Variants in ARHGAP24 observed in about 807,000 individuals in gnomAD.
ARHGAP24 encodes rho GTPase-activating protein 24.
In ARHGAP24, 50 loss-of-function variants were observed where a neutral mutation model predicts 76.4. That is an observed-to-expected ratio of 0.65 (90% CI 0.52 to 0.83). The LOEUF is 0.83. Among genes scored for constraint, ARHGAP24 ranks in the 40% least tolerant of loss-of-function variants. The pLI is 0.00. For synonymous variants in ARHGAP24, 345 were observed against 323.3 expected (o/e 1.07, Z -0.72); for missense variants, 930 against 914.2 (o/e 1.02, Z -0.22).
chr4:85,729,432 A>T (rs1266683765), intron 3 of ARHGAP24, among the ~76,000 whole-genome samples: 1 of 152,210 alleles, frequency 6.6e-6, no homozygotes, highest in Non-Finnish European at 1.5e-5. Flanking sequence ...AGAACGTTTT[A>T]AAAATGTTTT....
chr4:85,831,738 C>T (rs1272185560), intron 3 of ARHGAP24, among the ~76,000 whole-genome samples: 7 of 151,932 alleles, frequency 4.6e-5, no homozygotes, highest in Admixed American at 2.0e-4. Context: ...TCAGTCTCTA[C>T]TAAAAATACA....
chr4:85,983,728 C>G (rs892174097), intron 8 of ARHGAP24, among the ~76,000 whole-genome samples: 5 of 152,054 alleles, frequency 3.3e-5, no homozygotes, highest in African/African-American at 1.2e-4. Flanking sequence ...AAATCCATTC[C>G]ATGCAGTGTC....
chr4:85,977,267 C>T (rs147746235), intron 7 of ARHGAP24, among the ~76,000 whole-genome samples: 2,149 of 152,248 alleles, frequency 0.014, 26 homozygotes, highest in Non-Finnish European at 0.021. Context: ...AGGGAATCCA[C>T]ATTGTTGACT....
chr4:85,514,382 C>T (rs756729693), intron 1 of ARHGAP24, among the ~76,000 whole-genome samples: 7 of 151,964 alleles, frequency 4.6e-5, no homozygotes, highest in African/African-American at 7.2e-5. Flanking sequence ...AATCTACTTT[C>T]ACTTTCCTGT....
intron 3 of ARHGAP24, among the ~76,000 whole-genome samples, chr4:85,798,969 A>G (rs1278273890): frequency 6.6e-6 from 1 of 152,208 alleles, no homozygotes; most frequent in African/African-American, 2.4e-5. Context: ...ACAAAAATGC[A>G]TGCAAATAAA....
chr4:85,921,777 G>A (rs189300421), intron 3 of ARHGAP24, among the ~76,000 whole-genome samples: 1 of 152,222 alleles, frequency 6.6e-6, no homozygotes, highest in African/African-American at 2.4e-5. Flanking sequence ...TCAGATCAGT[G>A]GCAGCATTAG....
In ARHGAP24 at chr4:85,509,438, G is replaced by A. The variant is rs572545325; in HGVS notation, c.-21+33879G>A. The stretch of plus-strand genomic sequence containing the variant: ...AAAATTCTAAAATATAAGGAAAAGC[G>A]ATGGCTAGATTATAAAAAAAAGTTA... On this transcript the variant is annotated intron_variant, in intron 1 of 9. Coordinates refer to ENST00000395184, the MANE Select transcript of ARHGAP24 (RefSeq NM_001025616.3). Among the ~76,000 whole-genome samples the A allele has an allele frequency of 6.0e-4, 91 of 152,020 alleles. 1 individual carries two copies. The highest frequency in any genetic ancestry group is 1.1e-3 in the Non-Finnish European group (77 of 67,954).
At chr4:85,566,051 C>G (rs111630444) in intron 1 of ARHGAP24, among the ~76,000 whole-genome samples, 2,212 of 152,286 alleles carry the variant, frequency 0.015, 61 homozygotes, top group African/African-American at 0.05. Context: ...AACTGTCTAG[C>G]TATGGCGTGG....
rs545247470 is a variant in ARHGAP24 at position 85,796,800 on chromosome 4, ACTCACTAGAC to A, written c.268+74834_268+74843del. On this transcript the variant is annotated intron_variant, in intron 3 of 9. Coordinates refer to ENST00000395184, the MANE Select transcript of ARHGAP24 (RefSeq NM_001025616.3). ...GCTCTCTGGAGACGCTATGGCCTTG[ACTCACTAGAC>A]CTCACGGTGGTGCTGTGCCCATAGA... Among the ~76,000 whole-genome samples, 217 of 152,106 alleles carry A rather than the reference ACTCACTAGAC, an allele frequency of 1.4e-3. 1 individual carries two copies. Among genetic ancestry groups the A allele is most frequent in the Middle Eastern group, 6.8e-3 (2 of 294 alleles).
intron 3 of ARHGAP24, among the ~76,000 whole-genome samples, chr4:85,911,243 G>A (rs1425837639): frequency 2.0e-5 from 3 of 152,188 alleles, no homozygotes; most frequent in African/African-American, 7.2e-5. Context: ...ACTCGAATGG[G>A]GTGGGGCTCC....
At chr4:85,631,128 A>T (rs938154017) in intron 2 of ARHGAP24, among the ~76,000 whole-genome samples, 16 of 152,154 alleles carry the variant, frequency 1.1e-4, no homozygotes, top group Non-Finnish European at 2.4e-4. Flanking sequence ...TCTGCATCAT[A>T]CTTTGGAAGG....
intron 3 of ARHGAP24, among the ~76,000 whole-genome samples, chr4:85,864,043 A>G (rs900442660): frequency 6.6e-6 from 1 of 152,058 alleles, no homozygotes; most frequent in African/African-American, 2.4e-5. Context: ...TAATCTTCTT[A>G]TGCAAATGGA....
chr4:85,656,630 G>A (rs1722183698), intron 2 of ARHGAP24, among the ~76,000 whole-genome samples: 1 of 152,034 alleles, frequency 6.6e-6, no homozygotes, highest in Non-Finnish European at 1.5e-5. Flanking sequence ...ACCATGACCA[G>A]CTAATTTTTG....
At chr4:85,635,260 T>C (rs1721280000) in intron 2 of ARHGAP24, among the ~76,000 whole-genome samples, 1 of 149,830 alleles carries the variant, frequency 6.7e-6, no homozygotes. Flanking sequence ...GATGTGTACC[T>C]GCCATAGTTA....
chr4:85,757,669 A>T (rs959304430), intron 3 of ARHGAP24, among the ~76,000 whole-genome samples: 3 of 152,188 alleles, frequency 2.0e-5, no homozygotes, highest in African/African-American at 7.2e-5. Flanking sequence ...TAGTGCCGCA[A>T]TAAACATACG....
intron 2 of ARHGAP24, among the ~76,000 whole-genome samples, chr4:85,601,573 A>G (rs1720030028): frequency 6.6e-6 from 1 of 152,118 alleles, no homozygotes; most frequent in African/African-American, 2.4e-5. Flanking sequence ...ACAACCAAAA[A>G]TCTCTCCAGA....
intron 1 of ARHGAP24, among the ~76,000 whole-genome samples, chr4:85,527,979 A>C (rs1183655410): frequency 1.3e-5 from 2 of 152,100 alleles, no homozygotes; most frequent in East Asian, 3.9e-4. Context: ...TCTGGAATGA[A>C]TTTCTCAAAC....
intron 2 of ARHGAP24, among the ~76,000 whole-genome samples, chr4:85,595,778 T>C (rs977583263): frequency 3.9e-5 from 6 of 152,070 alleles, no homozygotes; most frequent in African/African-American, 1.4e-4. Context: ...ATGAATTATA[T>C]AAACTATATT....
intron 3 of ARHGAP24, among the ~76,000 whole-genome samples, chr4:85,726,085 C>A (rs1225009073): frequency 6.6e-6 from 1 of 152,156 alleles, no homozygotes; most frequent in African/African-American, 2.4e-5. Flanking sequence ...GTAGCACTTC[C>A]TCTTTTCTAG....
Sources: allele counts gnomAD v4.1 joint callset (sites outside exome capture counted in the v4.1 genomes callset), GRCh38; gene constraint gnomAD v4.1.1; transcripts MANE v1.5; gene names NCBI Gene and HGNC (gene_info 2026-07-23, HGNC 2026-07-21).